Variants in ADAMTS16 observed in about 807,000 individuals in gnomAD.
ADAMTS16 encodes the protein ADAM metallopeptidase with thrombospondin type 1 motif 16, also known as A disintegrin and metalloproteinase with thrombospondin motifs 16.
In ADAMTS16, 94 loss-of-function variants were observed where a neutral mutation model predicts 145.8. That is an observed-to-expected ratio of 0.64 (90% CI 0.55 to 0.77). The LOEUF (loss-of-function observed/expected upper bound fraction) is 0.77, where lower values mean the gene tolerates loss of function less well. Ranked by LOEUF, ADAMTS16 falls within the 30% of genes least tolerant of loss-of-function variation. The pLI, the probability that ADAMTS16 is intolerant of heterozygous loss-of-function variation, is 0.00. For missense variants in ADAMTS16, 1,585 were observed against 1,591.5 expected, an observed-to-expected ratio of 1.00 and a Z score of 0.07; for synonymous variants, 659 against 604.3, an observed-to-expected ratio of 1.09 and a Z score of -1.33.
intron 8 of ADAMTS16, among the ~76,000 whole-genome samples, chr5:5,197,950 C>T (rs934282112): frequency 6.6e-6 from 1 of 152,114 alleles, no homozygotes; most frequent in African/African-American, 2.4e-5. Flanking sequence ...CCACTGCAGG[C>T]TTGGGTAGCT....
At chr5:5,273,113 C>T (rs939910087) in intron 18 of ADAMTS16, among the ~76,000 whole-genome samples, 4 of 152,162 alleles carry the variant, frequency 2.6e-5, no homozygotes, top group African/African-American at 9.7e-5. Context: ...CAGAAGCCAC[C>T]GTGCTGAGGC....
At chr5:5,265,522 A>G (rs1738207401) in intron 18 of ADAMTS16, among the ~76,000 whole-genome samples, 1 of 152,212 alleles carries the variant, frequency 6.6e-6, no homozygotes, top group Non-Finnish European at 1.5e-5. Context: ...CAGAACAAAC[A>G]GGAAATTCTT....
At chr5:5,176,752 T>C (rs1735208139) in intron 3 of ADAMTS16, among the ~76,000 whole-genome samples, 1 of 152,224 alleles carries the variant, frequency 6.6e-6, no homozygotes, top group Non-Finnish European at 1.5e-5. Flanking sequence ...TATACTCTGC[T>C]TTCTCTAGCC....
chr5:5,252,716 C>T (rs900620340), intron 17 of ADAMTS16, among the ~76,000 whole-genome samples: 3 of 152,188 alleles, frequency 2.0e-5, no homozygotes, highest in African/African-American at 7.2e-5. Context: ...ATGGAATATG[C>T]TGCAATAGGT....
At chr5:5,223,981 A>C (rs1736681145) in intron 11 of ADAMTS16, among the ~76,000 whole-genome samples, 1 of 152,062 alleles carries the variant, frequency 6.6e-6, no homozygotes, top group Non-Finnish European at 1.5e-5. Context: ...AATATATCAC[A>C]TCTTATACAT....
At chr5:5,199,828 C>T (rs562370450) in intron 8 of ADAMTS16, among the ~76,000 whole-genome samples, 60 of 152,252 alleles carry the variant, frequency 3.9e-4, no homozygotes, top group African/African-American at 1.4e-3. Context: ...CTACATAGAG[C>T]AGTGTTAGCC....
chr5:5,189,531 A>T (rs1274854757), intron 6 of ADAMTS16, among the ~76,000 whole-genome samples: 1 of 152,256 alleles, frequency 6.6e-6, no homozygotes, highest in Non-Finnish European at 1.5e-5. Flanking sequence ...AGACTTATTT[A>T]TTGGAAATCC....
In ADAMTS16 at chr5:5,146,168, G is replaced by A; in HGVS notation, c.214G>A (p.Gly72Ser). ...LVSAYEVDHR[G>S]DYVSHEIMHH... ...CTCTGCCTACGAGGTTGACCACAGG[G>A]GCGATTACGTGTCCCATGAAATCAT... Residue 72 changes from glycine to serine, a missense_variant, in exon 3 of 23, where the codon GGC (glycine) becomes AGC (serine). Physicochemically the swap from Gly to Ser is moderately conservative, Grantham distance 56. Coordinates refer to ENST00000274181, the MANE Select transcript of ADAMTS16 (RefSeq NM_139056.4). The A allele has an allele frequency of 6.2e-7, 1 of 1,614,134 alleles. No individual in the cohort carries two copies. Among genetic ancestry groups the A allele is most frequent in the Non-Finnish European group, 8.5e-7 (1 of 1,180,038 alleles).
chr5:5,147,880 G>A (rs1734345565), intron 3 of ADAMTS16, among the ~76,000 whole-genome samples: 1 of 152,268 alleles, frequency 6.6e-6, no homozygotes, highest in South Asian at 2.1e-4. Context: ...GGTGCTTCTT[G>A]CTAACCCAGC....
rs35163937 is a variant in ADAMTS16 at position 5,279,923 on chromosome 5, TC to T, written c.2789+17141del. Among the ~76,000 whole-genome samples the T allele has an allele frequency of 9.6e-4, 38 of 39,658 alleles. No homozygotes were observed. The East Asian group carries it at 0.033, about 34-fold the overall frequency. The allele number at this position is 39,658 out of a possible 152,430, so 26.0% of individuals were successfully genotyped here. A position where few individuals can be genotyped will look rare whatever the true frequency, so the allele number is the denominator to read the frequency against. On this transcript the variant is annotated intron_variant, in intron 18 of 22. Coordinates refer to ENST00000274181, the MANE Select transcript of ADAMTS16 (RefSeq NM_139056.4). ...TTCTTTTCTTTTCTTTCTTTATTTC[TC>T]TTTTTCTTTCTTTCTTTCTTTTTCC...
chr5:5,303,954 T>C, intron 20 of ADAMTS16, 188 bp downstream of exon 20: 2 of 670,582 alleles, frequency 3.0e-6, no homozygotes, highest in Non-Finnish European at 5.0e-6. Flanking sequence ...CTGAATCGTG[T>C]CCTGGGAGCA....
chr5:5,311,608 G>A (rs1424571697), intron 21 of ADAMTS16, among the ~76,000 whole-genome samples: 1 of 150,588 alleles, frequency 6.6e-6, no homozygotes, highest in Non-Finnish European at 1.5e-5. Flanking sequence ...GTGCAGTGGG[G>A]TGATCTTGGC....
chr5:5,255,230 T>C (rs891913599), intron 17 of ADAMTS16, among the ~76,000 whole-genome samples: 1 of 152,226 alleles, frequency 6.6e-6, no homozygotes, highest in Non-Finnish European at 1.5e-5. Flanking sequence ...TTACTACTTA[T>C]ATTCTTCATG....
intron 17 of ADAMTS16, among the ~76,000 whole-genome samples, chr5:5,245,354 T>C (rs1303851334): frequency 6.6e-6 from 1 of 152,198 alleles, no homozygotes; most frequent in African/African-American, 2.4e-5. Context: ...TGTGAGATAA[T>C]AATTAACTTT....
At chr5:5,205,871 C>T (rs1736091165) in intron 9 of ADAMTS16, among the ~76,000 whole-genome samples, 1 of 152,154 alleles carries the variant, frequency 6.6e-6, no homozygotes, top group South Asian at 2.1e-4. Flanking sequence ...ATGTCTTTTA[C>T]AAATATATTC....
intron 11 of ADAMTS16, chr5:5,223,788 T>A (rs1310748140): frequency 1.3e-5 from 2 of 152,098 alleles, no homozygotes; most frequent in Non-Finnish European, 2.9e-5. Context: ...ATTTTTTAAA[T>A]ATAAAAGACT....
At chr5:5,222,107 C>T (rs377746699) in intron 10 of ADAMTS16, among the ~76,000 whole-genome samples, 2 of 152,138 alleles carry the variant, frequency 1.3e-5, no homozygotes, top group Admixed American at 1.3e-4. Context: ...TCCTTGCACT[C>T]GGAGAGTCTT....
intron 3 of ADAMTS16, among the ~76,000 whole-genome samples, chr5:5,149,421 A>G (rs1734391689): frequency 6.6e-6 from 1 of 152,224 alleles, no homozygotes; most frequent in Non-Finnish European, 1.5e-5. Flanking sequence ...GACCATGGCA[A>G]TAGCACAAAG....
chr5:5,140,671 C>G lies in ADAMTS16; in HGVS notation c.80C>G (p.Ala27Gly). 6.4e-7 allele frequency: 1 copy of G among 1,553,594 alleles called. No individual in the cohort carries two copies. The highest frequency in any genetic ancestry group is 8.7e-7 in the Non-Finnish European group (1 of 1,152,958). Reference sequence around the variant, plus strand: ...CGCCGCTGTTTTCCGCAGGCACCTGCGTGCGCCATGGGACCCGCAGCGGCA... The same window carrying G: ...CGCCGCTGTTTTCCGCAGGCACCTGGGTGCGCCATGGGACCCGCAGCGGCA... Reference protein sequence around the residue: ...LLAQVAEQAPACAMGPAAAAP... With the variant: ...LLAQVAEQAPGCAMGPAAAAP... The change falls in exon 2 of 23, where the codon GCG becomes GGG. Residue 27 changes from alanine (A) to glycine (G), a missense_variant. By Grantham distance (60) the Ala-to-Gly change is moderately conservative. Transcript: ENST00000274181.
Sources: allele counts gnomAD v4.1 joint callset (sites outside exome capture counted in the v4.1 genomes callset), GRCh38; gene constraint gnomAD v4.1.1; transcripts MANE v1.5; gene names NCBI Gene and HGNC (gene_info 2026-07-23, HGNC 2026-07-21).